The following NFE2L2 variants were observed in gnomAD, a reference collection of about 807,000 sequenced individuals.
The protein encoded by NFE2L2 is NFE2 like bZIP transcription factor 2.
NFE2L2 carries 20 observed loss-of-function variants against 49.6 expected under a neutral mutation model. That is an observed-to-expected ratio of 0.40 (90% CI 0.28 to 0.59). The LOEUF (loss-of-function observed/expected upper bound fraction) is 0.59. NFE2L2 is among the 20% of genes least tolerant of loss of function. The pLI is 0.40. For synonymous variants in NFE2L2, 244 were observed against 256.5 expected, an observed-to-expected ratio of 0.95 and a Z score of 0.47; for missense variants, 578 against 714.2, an observed-to-expected ratio of 0.81 and a Z score of 2.17.
intron 1 of NFE2L2, among the ~76,000 whole-genome samples, chr2:177,243,270 G>T (rs1009342003): frequency 8.6e-5 from 13 of 151,992 alleles, no homozygotes; most frequent in African/African-American, 3.1e-4. Context: ...AACTGGGCAT[G>T]GACTGACCAG....
intron 1 of NFE2L2, among the ~76,000 whole-genome samples, chr2:177,240,634 A>G (rs1322912098): frequency 6.6e-6 from 1 of 152,216 alleles, no homozygotes. Context: ...AAAAATATAT[A>G]TCATCATTTG....
At chr2:177,244,161 C>T (rs970629725) in intron 1 of NFE2L2, among the ~76,000 whole-genome samples, 2 of 151,738 alleles carry the variant, frequency 1.3e-5, no homozygotes, top group Admixed American at 1.3e-4. Flanking sequence ...ATTAGCCAGG[C>T]ATGGTGGCGG....
At chr2:177,236,003 T>C (rs1163987771) in intron 1 of NFE2L2, among the ~76,000 whole-genome samples, 2 of 152,122 alleles carry the variant, frequency 1.3e-5, no homozygotes, top group East Asian at 1.9e-4. Flanking sequence ...AAATCACCTA[T>C]AGGGGAAATA....
chr2:177,244,957 C>T (rs1489333525), intron 1 of NFE2L2, among the ~76,000 whole-genome samples: 2 of 132,644 alleles, frequency 1.5e-5, no homozygotes, highest in Admixed American at 9.0e-5. Flanking sequence ...AACCCAAGAT[C>T]GTGCCACTGC....
chr2:177,257,622 T>G (rs1302275433), intron 1 of NFE2L2, among the ~76,000 whole-genome samples: 4 of 152,224 alleles, frequency 2.6e-5, no homozygotes, highest in African/African-American at 9.6e-5. Context: ...TACCAAGCAC[T>G]GAGGTGGGTC....
At chr2:177,234,945 G>A (rs994994437) in intron 1 of NFE2L2, among the ~76,000 whole-genome samples, 19 of 151,890 alleles carry the variant, frequency 1.3e-4, no homozygotes, top group African/African-American at 4.6e-4. Context: ...GTGAAACCAC[G>A]TCTCTACTAA....
chr2:177,245,288 TC>T (rs1476452331), intron 1 of NFE2L2, among the ~76,000 whole-genome samples: 4 of 152,108 alleles, frequency 2.6e-5, no homozygotes, highest in Non-Finnish European at 4.4e-5. Context: ...AGACAGCCCC[TC>T]TTGTTTTGCA....
chr2:177,250,271 A>G (rs1690287458), intron 1 of NFE2L2, among the ~76,000 whole-genome samples: 1 of 152,218 alleles, frequency 6.6e-6, no homozygotes, highest in Non-Finnish European at 1.5e-5. Flanking sequence ...CTGGGAGGGT[A>G]CTACCTGTTC....
intron 1 of NFE2L2, 24 bp downstream of exon 1, chr2:177,264,508 G>T (rs898313458): frequency 1.3e-6 from 2 of 1,521,926 alleles, no homozygotes; most frequent in Admixed American, 2.1e-5. Context: ...CACCACCGCA[G>T]GGCCCAGAGG....
rs375972211 is a variant in NFE2L2, at chr2:177,231,300, C to G, written c.1303G>C (p.Gly435Arg). The G allele has an allele frequency of 4.0e-5, 65 of 1,614,114 alleles. No homozygotes were observed. The highest frequency in any genetic ancestry group is 5.3e-5 in the Non-Finnish European group (63 of 1,180,052). Residue 435 changes from glycine (G) to arginine (R), a missense_variant, in exon 5 of 5, where the codon GGT becomes CGT. Coordinates refer to ENST00000397062, the MANE Select transcript of NFE2L2 (RefSeq NM_006164.5). ...TPEKELPVSP[G>R]HRKTPFTKDK... is the part of the protein sequence containing the mutation. ...TTTGTGAATGGGGTTTTCCGATGACCAGGACTTACAGGCAATTCTTTCTCT... is the reference window on the plus strand; with the variant it reads ...TTTGTGAATGGGGTTTTCCGATGACGAGGACTTACAGGCAATTCTTTCTCT...
In NFE2L2 at chr2:177,246,774, C is replaced by CTT. The variant is rs56311819; in HGVS notation, c.46-12505_46-12504dup. 6.3e-3 allele frequency among the ~76,000 whole-genome samples: 737 copies of CTT among 117,484 alleles called. 32 individuals are homozygous for CTT. Among genetic ancestry groups the CTT allele is most frequent in the African/African-American group, 0.012 (380 of 31,132 alleles). The allele number at this position is 117,484 out of a possible 152,430, so 77.1% of individuals were successfully genotyped here. ...GCCACTATGCCTGGCTAATATTTTACTTTTTTTTTTTTTTTTTTGTACAGA... is the reference window on the plus strand; with the variant it reads ...GCCACTATGCCTGGCTAATATTTTACTTTTTTTTTTTTTTTTTTTTGTACAGA... On this transcript the variant is annotated intron_variant, in intron 1 of 4. Coordinates refer to ENST00000397062, the MANE Select transcript of NFE2L2 (RefSeq NM_006164.5).
intron 1 of NFE2L2, among the ~76,000 whole-genome samples, chr2:177,237,365 G>A (rs1434687943): frequency 2.0e-5 from 3 of 152,118 alleles, no homozygotes; most frequent in African/African-American, 4.8e-5. Flanking sequence ...GCATTCAGTC[G>A]ACTATACATG....
intron 1 of NFE2L2, chr2:177,263,414 C>T (rs1690813867): frequency 1.0e-6 from 1 of 985,370 alleles, no homozygotes; most frequent in South Asian, 4.7e-5. Flanking sequence ...CTTGACAGCA[C>T]AGAAGAGAAT....
intron 1 of NFE2L2, among the ~76,000 whole-genome samples, chr2:177,249,749 C>G (rs949463205): frequency 3.3e-5 from 5 of 152,182 alleles, no homozygotes; most frequent in African/African-American, 1.2e-4. Flanking sequence ...TACAAGAAAT[C>G]TTACCCAGCA....
chr2:177,258,868 G>A (rs1690624219), intron 1 of NFE2L2, among the ~76,000 whole-genome samples: 1 of 152,186 alleles, frequency 6.6e-6, no homozygotes, highest in South Asian at 2.1e-4. Context: ...GTGTACAGCT[G>A]ATAATACAGG....
intron 1 of NFE2L2, among the ~76,000 whole-genome samples, chr2:177,244,709 A>G (rs1010829144): frequency 2.0e-5 from 3 of 152,236 alleles, no homozygotes; most frequent in Non-Finnish European, 2.9e-5. Context: ...AGAACACACA[A>G]GAAGTAAATA....
At chr2:177,245,096 TCTC>T (rs946502211) in intron 1 of NFE2L2, among the ~76,000 whole-genome samples, 10 of 150,760 alleles carry the variant, frequency 6.6e-5, no homozygotes, top group Admixed American at 2.6e-4. Context: ...TTTTCCCTCA[TCTC>T]CTCCCCAAGA....
At chr2:177,260,950 C>G (rs1344304848) in intron 1 of NFE2L2, among the ~76,000 whole-genome samples, 1 of 152,086 alleles carries the variant, frequency 6.6e-6, no homozygotes, top group East Asian at 1.9e-4. Flanking sequence ...GCGGGTGGAT[C>G]ACCTGAGGTC....
At chr2:177,259,048 G>A (rs757954895) in intron 1 of NFE2L2, among the ~76,000 whole-genome samples, 2 of 152,208 alleles carry the variant, frequency 1.3e-5, no homozygotes, top group Non-Finnish European at 2.9e-5. Context: ...AGTGGCTCAC[G>A]CCTATAATCC....
Sources: gnomAD v4.1 joint callset for allele counts (sites outside exome capture counted in the v4.1 genomes callset) on GRCh38, gnomAD v4.1.1 for gene constraint, MANE v1.5 for transcripts, NCBI Gene and HGNC (gene_info 2026-07-23, HGNC 2026-07-21) for gene names.